Variants in LOC128125817 observed in about 807,000 individuals in gnomAD.
the LOC128125817 span, among the ~76,000 whole-genome samples, chr1:41,596,997 T>C: frequency 6.6e-6 from 1 of 152,148 alleles, no homozygotes; most frequent in Non-Finnish European, 1.5e-5. Flanking sequence ...CAATAATGAA[T>C]GGTGGATTTT....
At chr1:41,604,592 C>T in the LOC128125817 span, among the ~76,000 whole-genome samples, 3 of 152,132 alleles carry the variant, frequency 2.0e-5, no homozygotes, top group South Asian at 2.1e-4. Context: ...GCCCTGGTAC[C>T]TCTCACCATG....
At chr1:41,619,651 T>C in the LOC128125817 span, among the ~76,000 whole-genome samples, 3 of 151,670 alleles carry the variant, frequency 2.0e-5, no homozygotes, top group South Asian at 6.3e-4. Context: ...CTGGTATGGG[T>C]GTTAGGAGTG....
the LOC128125817 span, among the ~76,000 whole-genome samples, chr1:41,589,550 C>T: frequency 1.3e-5 from 2 of 152,240 alleles, no homozygotes; most frequent in Admixed American, 1.3e-4. Context: ...GACAACATGA[C>T]CATGGCCCAG....
chr1:41,600,650 A>G, the LOC128125817 span, among the ~76,000 whole-genome samples: 1 of 152,224 alleles, frequency 6.6e-6, no homozygotes, highest in Non-Finnish European at 1.5e-5. Context: ...ACTGCTTAAC[A>G]CTACTGAATT....
At chr1:41,617,273 T>C in the LOC128125817 span, among the ~76,000 whole-genome samples, 345 of 152,356 alleles carry the variant, frequency 2.3e-3, 1 homozygote, top group South Asian at 5.2e-3. Flanking sequence ...TAGGCCGGAT[T>C]TCCAGAAGTG....
chr1:41,612,954 C>T, the LOC128125817 span, among the ~76,000 whole-genome samples: 1 of 152,238 alleles, frequency 6.6e-6, no homozygotes, highest in Non-Finnish European at 1.5e-5. Flanking sequence ...CAGTCTCTGC[C>T]TCTCATTGTC....
At chr1:41,618,881 T>G in the LOC128125817 span, among the ~76,000 whole-genome samples, 1 of 152,220 alleles carries the variant, frequency 6.6e-6, no homozygotes, top group Non-Finnish European at 1.5e-5. Context: ...CAAATCATGT[T>G]GGCTTGACCT....
At chr1:41,597,386 G>A in the LOC128125817 span, among the ~76,000 whole-genome samples, 1 of 152,138 alleles carries the variant, frequency 6.6e-6, no homozygotes, top group African/African-American at 2.4e-5. Context: ...ATTGTCTGTG[G>A]GCATAATAAT....
At chr1:41,620,996 C>T in the LOC128125817 span, among the ~76,000 whole-genome samples, 2 of 152,228 alleles carry the variant, frequency 1.3e-5, no homozygotes, top group Non-Finnish European at 1.5e-5. Flanking sequence ...GTCAGCCCCA[C>T]ACCTGCAAGT....
chr1:41,611,446 ACATGT>A, the LOC128125817 span, among the ~76,000 whole-genome samples: 1 of 152,228 alleles, frequency 6.6e-6, no homozygotes, highest in East Asian at 1.9e-4. Flanking sequence ...CGAGAACCTG[ACATGT>A]CCTCAGTCCT....
chr1:41,589,825 C>T, the LOC128125817 span, among the ~76,000 whole-genome samples: 1 of 152,210 alleles, frequency 6.6e-6, no homozygotes, highest in Non-Finnish European at 1.5e-5. Context: ...CACACACACA[C>T]CCCCACATAT....
the LOC128125817 span, among the ~76,000 whole-genome samples, chr1:41,614,162 G>A: frequency 6.6e-6 from 1 of 152,222 alleles, no homozygotes; most frequent in Non-Finnish European, 1.5e-5. Flanking sequence ...GCAGTCTGAG[G>A]TCAGCAGCAG....
the LOC128125817 span, among the ~76,000 whole-genome samples, chr1:41,611,382 A>C: frequency 1.3e-5 from 2 of 152,216 alleles, no homozygotes; most frequent in African/African-American, 2.4e-5. Flanking sequence ...AACTGGGATA[A>C]TCAATCATAA....
chr1:41,618,041 A>G, the LOC128125817 span, among the ~76,000 whole-genome samples: 1 of 152,238 alleles, frequency 6.6e-6, no homozygotes, highest in Non-Finnish European at 1.5e-5. Context: ...CCTAGGAACC[A>G]TCTTACTAGA....
the LOC128125817 span, among the ~76,000 whole-genome samples, chr1:41,620,605 A>G: frequency 6.6e-6 from 1 of 152,138 alleles, no homozygotes; most frequent in South Asian, 2.1e-4. Flanking sequence ...ACAGCTGCAC[A>G]CATCACCTGC....
the LOC128125817 span, among the ~76,000 whole-genome samples, chr1:41,626,546 G>T: frequency 1.3e-5 from 2 of 152,180 alleles, no homozygotes; most frequent in Non-Finnish European, 2.9e-5. Context: ...CCCCCCATCT[G>T]TACTCCCTGG....
At chr1:41,612,329 G>A in the LOC128125817 span, among the ~76,000 whole-genome samples, 7 of 152,112 alleles carry the variant, frequency 4.6e-5, no homozygotes, top group Non-Finnish European at 7.3e-5. Flanking sequence ...CAACAATGCC[G>A]CCTTACGTTA....
the LOC128125817 span, among the ~76,000 whole-genome samples, chr1:41,589,692 C>T: frequency 2.6e-5 from 4 of 152,092 alleles, no homozygotes; most frequent in Admixed American, 1.3e-4. Context: ...CTGGGGTCCC[C>T]GGTCAAAGTT....
At chr1:41,599,105 C>T in the LOC128125817 span, among the ~76,000 whole-genome samples, 1 of 152,266 alleles carries the variant, frequency 6.6e-6, no homozygotes, top group East Asian at 1.9e-4. Context: ...GTGTGAGCCA[C>T]CACACCCAGT....
Sources: gnomAD v4.1 joint callset for allele counts (sites outside exome capture counted in the v4.1 genomes callset) on GRCh38, gnomAD v4.1.1 for gene constraint, MANE v1.5 for transcripts.